NRXN1: variants seen among roughly 807,000 people sequenced by gnomAD.
The protein encoded by NRXN1 is neurexin 1.
NRXN1 carries 39 observed loss-of-function variants against 150.9 expected under a neutral mutation model. That is an observed-to-expected ratio of 0.26 (90% CI 0.20 to 0.34). The LOEUF (loss-of-function observed/expected upper bound fraction) is 0.34. Among genes scored for constraint, NRXN1 ranks in the 10% least tolerant of loss-of-function variants. NRXN1 has a pLI of 1.00. For synonymous variants in NRXN1, 924 were observed against 757.0 expected (o/e 1.22, Z -3.62); for missense variants, 1,815 against 1,949.9 (o/e 0.93, Z 1.30).
intron 18 of NRXN1, among the ~76,000 whole-genome samples, chr2:50,106,230 G>T (rs1212033080): frequency 6.6e-6 from 1 of 151,656 alleles, no homozygotes; most frequent in Non-Finnish European, 1.5e-5. Flanking sequence ...TTCTCCCCAA[G>T]CTTATAAGCA....
intron 17 of NRXN1, among the ~76,000 whole-genome samples, chr2:50,414,728 A>T (rs1415810889): frequency 4.6e-5 from 7 of 152,112 alleles, no homozygotes; most frequent in Admixed American, 4.6e-4. Context: ...ATAACCATTT[A>T]AAAAGGAGAG....
chr2:50,522,720 A>ATTTTT (rs869200431), intron 12 of NRXN1, among the ~76,000 whole-genome samples: 8 of 47,760 alleles, frequency 1.7e-4, no homozygotes, highest in Admixed American at 6.8e-4. Flanking sequence ...ATTTTTATTC[A>ATTTTT]TTTTTTTTTT....
intron 5 of NRXN1, among the ~76,000 whole-genome samples, chr2:50,627,997 T>C (rs979175908): frequency 6.6e-6 from 1 of 151,858 alleles, no homozygotes; most frequent in African/African-American, 2.4e-5. Flanking sequence ...GTCTACTTAG[T>C]TTAAAAGAGC....
At chr2:50,131,696 G>A (rs191217105) in intron 18 of NRXN1, among the ~76,000 whole-genome samples, 2 of 152,292 alleles carry the variant, frequency 1.3e-5, no homozygotes, top group East Asian at 3.9e-4. Context: ...TGGGTAAACG[G>A]CTGGAGAGGC....
chr2:50,163,170 A>ATATG (rs1294853660), intron 18 of NRXN1, among the ~76,000 whole-genome samples: 19 of 148,022 alleles, frequency 1.3e-4, no homozygotes, highest in Non-Finnish European at 1.5e-5. Context: ...AAATGTATAT[A>ATATG]TATATATATA....
In NRXN1 at chr2:50,454,898, C is replaced by G. The variant is rs75441050; in HGVS notation, c.3364+10544G>C. 1.1e-4 allele frequency among the ~76,000 whole-genome samples: 16 copies of G among 152,246 alleles called. No homozygotes were observed. The East Asian group carries it at 3.1e-3, about 29-fold the overall frequency. ...AGAAGCAGAAGAACCATCAAGTAAT[C>G]AAAGACTGCACTACTCTGGATGAAC... On this transcript the variant is annotated intron_variant, in intron 17 of 22. Coordinates refer to ENST00000401669, the MANE Select transcript of NRXN1 (RefSeq NM_001330078.2).
At chr2:50,661,724 T>C (rs1031650042) in intron 5 of NRXN1, among the ~76,000 whole-genome samples, 2 of 152,084 alleles carry the variant, frequency 1.3e-5, no homozygotes, top group African/African-American at 2.4e-5. Context: ...ACTTTACTTT[T>C]TCATGTCATT....
chr2:50,844,466 T>C (rs1673342029), intron 5 of NRXN1, among the ~76,000 whole-genome samples: 2 of 152,198 alleles, frequency 1.3e-5, no homozygotes, highest in African/African-American at 4.8e-5. Flanking sequence ...AGATATATCA[T>C]GCCTTGAAAA....
chr2:50,156,083 T>G (rs2059002193), intron 18 of NRXN1, among the ~76,000 whole-genome samples: 1 of 151,762 alleles, frequency 6.6e-6, no homozygotes, highest in Admixed American at 6.6e-5. Flanking sequence ...ATTATTTTAC[T>G]TTGTTCTTTG....
Position 50,533,619 on chromosome 2 carries a change from T to C in NRXN1, c.2144-2189A>G, listed in dbSNP as rs565063886. Among the ~76,000 whole-genome samples the C allele has an allele frequency of 2.0e-5, 3 of 152,258 alleles. No homozygotes were observed. The South Asian group carries it at 6.2e-4, about 32-fold the overall frequency. On this transcript the variant is annotated intron_variant, in intron 10 of 22. Transcript: ENST00000401669. ...TGCTCTCATCTCTCACCTACACCAC[T>C]GTAGTAGCTCCCTCAACCGTGTTCC...
chr2:50,920,053 CTAAT>C, intron 5 of NRXN1: 1 of 347,866 alleles, frequency 2.9e-6, no homozygotes, highest in South Asian at 2.3e-5. Context: ...TTCTCTACAT[CTAAT>C]TAAACAATAT....
chr2:50,839,122 C>T (rs911674066), intron 5 of NRXN1, among the ~76,000 whole-genome samples: 1 of 152,118 alleles, frequency 6.6e-6, no homozygotes. Context: ...TTCCTTTAAG[C>T]TATTTTATTT....
intron 19 of NRXN1, among the ~76,000 whole-genome samples, chr2:50,075,934 T>C (rs774130989): frequency 2.0e-5 from 3 of 152,152 alleles, no homozygotes; most frequent in Non-Finnish European, 4.4e-5. Flanking sequence ...GCTGTCTAAC[T>C]CTACACAGTG....
intron 17 of NRXN1, among the ~76,000 whole-genome samples, chr2:50,361,176 C>T (rs1350349157): frequency 6.6e-6 from 1 of 151,932 alleles, no homozygotes; most frequent in African/African-American, 2.4e-5. Flanking sequence ...GATCTAAAAT[C>T]AACACCCTAA....
intron 12 of NRXN1, among the ~76,000 whole-genome samples, chr2:50,510,578 C>T (rs72835346): frequency 0.035 from 5,199 of 150,334 alleles, 185 homozygotes; most frequent in Non-Finnish European, 0.046. Context: ...AGACATCATT[C>T]CTTATGTTTT....
chr2:50,779,193 G>C (rs1291212008), intron 5 of NRXN1, among the ~76,000 whole-genome samples: 2 of 152,076 alleles, frequency 1.3e-5, no homozygotes, highest in Non-Finnish European at 1.5e-5. Context: ...CACCCTGACA[G>C]GTTCTAGTGT....
intron 17 of NRXN1, among the ~76,000 whole-genome samples, chr2:50,443,282 G>A (rs1217104535): frequency 6.6e-6 from 1 of 152,198 alleles, no homozygotes; most frequent in Non-Finnish European, 1.5e-5. Flanking sequence ...AGTAAGCACA[G>A]TTCCAAAATA....
chr2:50,982,981 C>T (rs1292200168), intron 2 of NRXN1, among the ~76,000 whole-genome samples: 2 of 151,912 alleles, frequency 1.3e-5, no homozygotes, highest in Non-Finnish European at 2.9e-5. Context: ...TTCATTATTT[C>T]TACTTAAAAA....
At chr2:50,672,489 G>T (rs1162308661) in intron 5 of NRXN1, among the ~76,000 whole-genome samples, 1 of 151,876 alleles carries the variant, frequency 6.6e-6, no homozygotes, top group Non-Finnish European at 1.5e-5. Context: ...TTTAAGTTGT[G>T]GTTAAATCCC....
Sources: allele counts gnomAD v4.1 joint callset (sites outside exome capture counted in the v4.1 genomes callset), GRCh38; gene constraint gnomAD v4.1.1; transcripts MANE v1.5; gene names NCBI Gene and HGNC (gene_info 2026-07-23, HGNC 2026-07-21).